MTREX: variants seen among roughly 807,000 people sequenced by gnomAD.
MTREX encodes exosome RNA helicase MTR4.
In MTREX, 76 loss-of-function variants were observed where a neutral mutation model predicts 135.4. The ratio of observed to expected loss-of-function variants is 0.56; its 90% CI spans 0.47 to 0.68. MTREX has a LOEUF of 0.68. Among genes scored for constraint, MTREX ranks in the 30% least tolerant of loss-of-function variants. MTREX has a pLI of 0.00. For synonymous variants in MTREX, 404 were observed against 401.6 expected (o/e 1.01, Z -0.07); for missense variants, 920 against 1,262.1 (o/e 0.73, Z 4.11).
chr5:55,354,075 G>C (rs1749871326), intron 14 of MTREX, among the ~76,000 whole-genome samples: 1 of 152,178 alleles, frequency 6.6e-6, no homozygotes, highest in Non-Finnish European at 1.5e-5. Flanking sequence ...CCCAAGGCAA[G>C]TACTCCATTT....
intron 16 of MTREX, among the ~76,000 whole-genome samples, chr5:55,377,365 C>T (rs371951975): frequency 6.6e-6 from 1 of 152,046 alleles, no homozygotes; most frequent in East Asian, 1.9e-4. Context: ...ATTTTAAAAA[C>T]GGAATTACAC....
intron 25 of MTREX, among the ~76,000 whole-genome samples, chr5:55,419,125 A>G (rs978532664): frequency 5.3e-5 from 8 of 152,220 alleles, no homozygotes; most frequent in Non-Finnish European, 1.0e-4. Context: ...GATTACAGGC[A>G]TGAGCCACTG....
chr5:55,317,143 C>A (rs1262877233), intron 1 of MTREX, among the ~76,000 whole-genome samples: 2 of 152,038 alleles, frequency 1.3e-5, no homozygotes, highest in Admixed American at 6.6e-5. Context: ...TCAGAGAAGA[C>A]ACAAACAAAT....
intron 19 of MTREX, among the ~76,000 whole-genome samples, chr5:55,389,965 G>A (rs1226902639): frequency 1.3e-5 from 2 of 152,142 alleles, no homozygotes; most frequent in Admixed American, 1.3e-4. Context: ...TGATTGTGTA[G>A]CATTATTCAG....
intron 19 of MTREX, among the ~76,000 whole-genome samples, chr5:55,391,297 A>G (rs895054537): frequency 6.6e-6 from 1 of 151,866 alleles, no homozygotes; most frequent in Non-Finnish European, 1.5e-5. Flanking sequence ...ATAAATAACA[A>G]TTAGCCAGGC....
Position 55,343,328 on chromosome 5 carries a change from C to A in MTREX, c.782-3C>A. On this transcript the variant is annotated splice_region_variant and splice_polypyrimidine_tract_variant and intron_variant, in intron 7 of 26. Transcript: ENST00000230640. ...GTCCAAAGTATATATTTATTTTTTT[C>A]AGAACGTGGTGTAGTATGGGAAGAA... 6.3e-7 allele frequency: 1 copy of A among 1,599,784 alleles called. No individual in the cohort carries two copies. The highest frequency in any genetic ancestry group is 8.5e-7 in the Non-Finnish European group (1 of 1,174,590).
At chr5:55,366,650 C>CT in intron 15 of MTREX, 75 bp from the exon 16 acceptor site, 4 of 1,087,404 alleles carry the variant, frequency 3.7e-6, no homozygotes, top group Non-Finnish European at 5.1e-6. Context: ...TGTTATTGAG[C>CT]ATTATAGTAG....
chr5:55,392,719 G>A (rs1175990078), intron 19 of MTREX, among the ~76,000 whole-genome samples: 1 of 151,960 alleles, frequency 6.6e-6, no homozygotes, highest in Non-Finnish European at 1.5e-5. Context: ...GGTCTTTCTT[G>A]ACTATGCACA....
At chr5:55,400,059 C>CA (rs1271294169) in intron 20 of MTREX, among the ~76,000 whole-genome samples, 174 bp from the exon 21 acceptor site, 1 of 151,836 alleles carries the variant, frequency 6.6e-6, no homozygotes, top group Non-Finnish European at 1.5e-5. Context: ...AAAGAGTTTT[C>CA]AAAAATAAAT....
intron 16 of MTREX, among the ~76,000 whole-genome samples, chr5:55,369,642 A>G (rs1027193482): frequency 6.6e-6 from 1 of 152,210 alleles, no homozygotes; most frequent in Non-Finnish European, 1.5e-5. Context: ...CACTCAATGA[A>G]CTTAAACATT....
chr5:55,394,582 A>G (rs1750618765), intron 19 of MTREX, among the ~76,000 whole-genome samples: 1 of 152,172 alleles, frequency 6.6e-6, no homozygotes, highest in Non-Finnish European at 1.5e-5. Context: ...ATGAGAATCT[A>G]ATGCTGCTGC....
chr5:55,418,117 C>G (rs1331093619), intron 25 of MTREX, among the ~76,000 whole-genome samples: 1 of 150,630 alleles, frequency 6.6e-6, no homozygotes, highest in Non-Finnish European at 1.5e-5. Context: ...GCCTGTAGTC[C>G]CAGCTACTCG....
intron 15 of MTREX, among the ~76,000 whole-genome samples, chr5:55,365,600 A>C (rs1750088596): frequency 1.3e-5 from 2 of 152,220 alleles, no homozygotes; most frequent in Non-Finnish European, 2.9e-5. Context: ...GTGATACTGC[A>C]CTTCTAAATG....
At chr5:55,407,685 G>A (rs1750828040) in intron 22 of MTREX, among the ~76,000 whole-genome samples, 1 of 152,070 alleles carries the variant, frequency 6.6e-6, no homozygotes, top group African/African-American at 2.4e-5. Context: ...AATTACTGCA[G>A]TTGCCCTCCT....
chr5:55,358,100 G>C (rs1238228352), intron 14 of MTREX, among the ~76,000 whole-genome samples: 1 of 152,130 alleles, frequency 6.6e-6, no homozygotes, highest in Non-Finnish European at 1.5e-5. Context: ...ACTTTGGGAG[G>C]CTGAGGCGGG....
In MTREX at chr5:55,424,876, A is replaced by G; in HGVS notation, c.*104A>G. 1.3e-6 allele frequency: 1 copy of G among 750,578 alleles called. No individual in the cohort carries two copies. Among genetic ancestry groups the G allele is most frequent in the Non-Finnish European group, 2.3e-6 (1 of 444,414 alleles). The allele number at this position is 750,578 out of a possible 1,614,324, so 46.5% of individuals were successfully genotyped here. A position where few individuals can be genotyped will look rare whatever the true frequency, so the allele number is the denominator to read the frequency against. ...GGATTTGGTTCTCCCATACATTTTA[A>G]TATGTATTATATTTAAATCAAACAT... is the stretch of plus-strand genomic sequence containing the variant. On this transcript the variant is annotated 3_prime_UTR_variant, in exon 27 of 27. Coordinates refer to ENST00000230640, the MANE Select transcript of MTREX (RefSeq NM_015360.5).
chr5:55,323,180 C>T (rs1749316150), intron 2 of MTREX, among the ~76,000 whole-genome samples: 1 of 152,008 alleles, frequency 6.6e-6, no homozygotes, highest in Admixed American at 6.6e-5. Flanking sequence ...TAAGATGCAC[C>T]ATTTTCCCAG....
chr5:55,399,320 A>C (rs1460215982), intron 20 of MTREX, among the ~76,000 whole-genome samples: 2 of 152,112 alleles, frequency 1.3e-5, no homozygotes, highest in African/African-American at 4.8e-5. Context: ...CCCAGTTCCT[A>C]ACTAGCCAAA....
At chr5:55,320,197 GT>G (rs1052440933) in intron 1 of MTREX, among the ~76,000 whole-genome samples, 11 of 150,152 alleles carry the variant, frequency 7.3e-5, no homozygotes, top group African/African-American at 2.7e-4. Flanking sequence ...GATCAGTATT[GT>G]TTTACCCTTT....
Sources: gnomAD v4.1 joint callset for allele counts (sites outside exome capture counted in the v4.1 genomes callset) on GRCh38, gnomAD v4.1.1 for gene constraint, MANE v1.5 for transcripts, NCBI Gene and HGNC (gene_info 2026-07-23, HGNC 2026-07-21) for gene names.